The following FHIT variants were observed in gnomAD, a reference collection of about 807,000 sequenced individuals.
FHIT encodes the protein bis(5'-adenosyl)-triphosphatase.
Under a neutral mutation model 17.9 loss-of-function variants are expected in FHIT, and 19 were observed. That is an observed-to-expected ratio of 1.06 (90% CI 0.74 to 1.56). The LOEUF (loss-of-function observed/expected upper bound fraction) is 1.56, where lower values mean the gene tolerates loss of function less well. FHIT is among the 40% of genes most tolerant of loss of function. The pLI is 0.00. For synonymous variants in FHIT, 81 were observed against 69.7 expected, an observed-to-expected ratio of 1.16 and a Z score of -0.81; for missense variants, 248 against 189.2, an observed-to-expected ratio of 1.31 and a Z score of -1.82.
intron 8 of FHIT, among the ~76,000 whole-genome samples, chr3:59,810,336 G>C (rs966706804): frequency 7.9e-5 from 12 of 152,328 alleles, no homozygotes; most frequent in Middle Eastern, 3.4e-3. Context: ...AATGGGGACA[G>C]TATTTCCAGA....
intron 5 of FHIT, among the ~76,000 whole-genome samples, chr3:60,513,253 A>C (rs1329630610): frequency 6.6e-6 from 1 of 152,196 alleles, no homozygotes; most frequent in Non-Finnish European, 1.5e-5. Context: ...TGATCACTGA[A>C]CTGTTCTTTC....
intron 7 of FHIT, among the ~76,000 whole-genome samples, chr3:59,983,846 A>C (rs978048698): frequency 6.6e-6 from 1 of 152,120 alleles, no homozygotes; most frequent in African/African-American, 2.4e-5. Flanking sequence ...CCATTCCTGT[A>C]TTACCCCTGT....
At chr3:60,528,574 CTTAA>C (rs992921234) in intron 5 of FHIT, among the ~76,000 whole-genome samples, 4 of 152,102 alleles carry the variant, frequency 2.6e-5, no homozygotes, top group East Asian at 1.9e-4. Context: ...TTCTGTTGGT[CTTAA>C]TTAATCAGCT....
intron 4 of FHIT, among the ~76,000 whole-genome samples, chr3:60,693,037 T>C (rs1342453972): frequency 6.6e-6 from 1 of 152,222 alleles, no homozygotes; most frequent in African/African-American, 2.4e-5. Context: ...ATTAGTAGAA[T>C]TCTCTACAAG....
At chr3:60,922,189 G>C (rs1376455603) in intron 3 of FHIT, among the ~76,000 whole-genome samples, 2 of 152,170 alleles carry the variant, frequency 1.3e-5, no homozygotes, top group African/African-American at 2.4e-5. Context: ...AATTTTTGTG[G>C]GGATGCAGCA....
intron 5 of FHIT, among the ~76,000 whole-genome samples, chr3:60,368,037 A>G (rs1213905673): frequency 1.3e-5 from 2 of 152,098 alleles, no homozygotes; most frequent in African/African-American, 2.4e-5. Context: ...CATTTTATCT[A>G]TGCTTTTGAT....
At chr3:60,372,791 A>T (rs902623056) in intron 5 of FHIT, among the ~76,000 whole-genome samples, 13 of 152,028 alleles carry the variant, frequency 8.6e-5, no homozygotes, top group African/African-American at 2.2e-4. Context: ...CTTTTTTTTT[A>T]AAATGTATTT....
At chr3:60,124,007 T>TAGAGAGAGAG (rs1559653690) in intron 5 of FHIT, among the ~76,000 whole-genome samples, 3 of 17,772 alleles carry the variant, frequency 1.7e-4, no homozygotes, top group South Asian at 2.8e-3. Flanking sequence ...TATATATATA[T>TAGAGAGAGAG]ATAGAGAGAG....
intron 3 of FHIT, among the ~76,000 whole-genome samples, chr3:60,907,427 A>C (rs577071706): frequency 6.6e-6 from 1 of 152,368 alleles, no homozygotes; most frequent in South Asian, 2.1e-4. Flanking sequence ...GAGACAAAAT[A>C]ACTAAGTGAA....
chr3:60,181,485 C>T (rs1701934446), intron 5 of FHIT, among the ~76,000 whole-genome samples: 1 of 152,094 alleles, frequency 6.6e-6, no homozygotes, highest in Non-Finnish European at 1.5e-5. Flanking sequence ...ATGGGAACAT[C>T]TAGGTTCAAA....
At chr3:61,132,211 A>C (rs2036783896) in intron 2 of FHIT, among the ~76,000 whole-genome samples, 3 of 152,212 alleles carry the variant, frequency 2.0e-5, no homozygotes. Flanking sequence ...TTGATTGCTG[A>C]AGGAATACTG....
chr3:59,782,234 A>G (rs1427565557), intron 8 of FHIT, among the ~76,000 whole-genome samples: 2 of 152,206 alleles, frequency 1.3e-5, no homozygotes, highest in South Asian at 2.1e-4. Flanking sequence ...GATTACAGTC[A>G]TGAGCTACTG....
At chr3:61,076,008 A>C (rs1559962693) in intron 2 of FHIT, among the ~76,000 whole-genome samples, 1 of 152,202 alleles carries the variant, frequency 6.6e-6, no homozygotes, top group East Asian at 1.9e-4. Context: ...TTAATCCCTC[A>C]TAAGTGCCCT....
At chr3:60,635,276 G>C (rs1260776022) in intron 4 of FHIT, among the ~76,000 whole-genome samples, 1 of 1,398 alleles carries the variant, frequency 7.2e-4, no homozygotes, top group Non-Finnish European at 1.4e-3. Context: ...TCTTTAAAAA[G>C]CCAGAATCAC....
At chr3:60,181,204 G>A (rs1350691911) in intron 5 of FHIT, among the ~76,000 whole-genome samples, 1 of 145,374 alleles carries the variant, frequency 6.9e-6, no homozygotes, top group African/African-American at 2.6e-5. Context: ...GGAGTGCAGT[G>A]GTACAATCTT....
At chr3:60,451,815 T>C (rs2031766171) in intron 5 of FHIT, among the ~76,000 whole-genome samples, 3 of 152,070 alleles carry the variant, frequency 2.0e-5, no homozygotes, top group Non-Finnish European at 4.4e-5. Context: ...ACCAGAAGGT[T>C]TCTAGCAATA....
intron 8 of FHIT, among the ~76,000 whole-genome samples, chr3:59,822,456 T>C (rs893416321): frequency 3.3e-5 from 5 of 152,106 alleles, no homozygotes; most frequent in African/African-American, 1.2e-4. Context: ...CACGCCAACA[T>C]CTATTACTTT....
At chr3:60,502,582 G>A (rs1475469025) in intron 5 of FHIT, among the ~76,000 whole-genome samples, 1 of 152,100 alleles carries the variant, frequency 6.6e-6, no homozygotes, top group African/African-American at 2.4e-5. Flanking sequence ...GCACAATAAT[G>A]TCAGGCATCA....
intron 7 of FHIT, among the ~76,000 whole-genome samples, chr3:59,930,812 G>A (rs951627556): frequency 6.6e-6 from 1 of 152,142 alleles, no homozygotes; most frequent in African/African-American, 2.4e-5. Context: ...AGCAATGGCA[G>A]GGCTGGGACT....
Sources: gnomAD v4.1 joint callset for allele counts (sites outside exome capture counted in the v4.1 genomes callset) on GRCh38, gnomAD v4.1.1 for gene constraint, MANE v1.5 for transcripts, NCBI Gene and HGNC (gene_info 2026-07-23, HGNC 2026-07-21) for gene names.